Variants in SCAPER observed in about 807,000 individuals in gnomAD.
SCAPER encodes S-phase cyclin A associated protein in the ER.
Under a neutral mutation model 182.2 loss-of-function variants are expected in SCAPER, and 98 were observed. The observed-to-expected ratio is 0.54, with a 90% confidence interval of 0.46 to 0.64. The LOEUF is 0.64. SCAPER is among the 30% of genes least tolerant of loss of function. SCAPER has a pLI of 0.00. For synonymous variants in SCAPER, 605 were observed against 564.6 expected, an observed-to-expected ratio of 1.07 and a Z score of -1.01; for missense variants, 1,432 against 1,690.0, an observed-to-expected ratio of 0.85 and a Z score of 2.68.
intron 20 of SCAPER, among the ~76,000 whole-genome samples, chr15:76,673,622 C>T (rs143957651): frequency 9.1e-4 from 139 of 152,202 alleles, no homozygotes; most frequent in Admixed American, 2.7e-3. Context: ...CACATATACA[C>T]GTATTTCATT....
chr15:76,902,549 T>G (rs1370414744), intron 1 of SCAPER, among the ~76,000 whole-genome samples: 1 of 152,246 alleles, frequency 6.6e-6, no homozygotes, highest in African/African-American at 2.4e-5. Flanking sequence ...ATTAATGATT[T>G]AATTTTTGCT....
intron 26 of SCAPER, among the ~76,000 whole-genome samples, chr15:76,430,980 G>A (rs570600844): frequency 6.6e-6 from 1 of 152,128 alleles, no homozygotes; most frequent in Non-Finnish European, 1.5e-5. Context: ...TCTCGTGATA[G>A]TGAATAAGTC....
intron 4 of SCAPER, among the ~76,000 whole-genome samples, chr15:76,851,852 A>G (rs2070789427): frequency 6.6e-6 from 1 of 152,210 alleles, no homozygotes; most frequent in South Asian, 2.1e-4. Context: ...CCTTGAATGT[A>G]AATGGGCTAA....
At chr15:76,357,647 C>T (rs1268091841) in intron 29 of SCAPER, among the ~76,000 whole-genome samples, 1 of 152,170 alleles carries the variant, frequency 6.6e-6, no homozygotes, top group Non-Finnish European at 1.5e-5. Flanking sequence ...ATGTTTATGA[C>T]AGCACTATTC....
intron 25 of SCAPER, among the ~76,000 whole-genome samples, chr15:76,457,736 G>T (rs2048847984): frequency 6.6e-6 from 1 of 151,834 alleles, no homozygotes; most frequent in Non-Finnish European, 1.5e-5. Context: ...TAAACTCACA[G>T]AACAAAATGA....
intron 9 of SCAPER, among the ~76,000 whole-genome samples, chr15:76,772,803 CA>C (rs1445681616): frequency 6.6e-6 from 1 of 151,686 alleles, no homozygotes; most frequent in Non-Finnish European, 1.5e-5. Flanking sequence ...CTGTGTTTTC[CA>C]ATGATACTCT....
chr15:76,351,874 A>G (rs1487139427), intron 30 of SCAPER, among the ~76,000 whole-genome samples: 2 of 152,250 alleles, frequency 1.3e-5, no homozygotes, highest in Admixed American at 6.5e-5. Flanking sequence ...ATTTAACTCT[A>G]CAAGTCTAAT....
At chr15:76,560,589 C>T (rs1233956709) in intron 23 of SCAPER, among the ~76,000 whole-genome samples, 1 of 152,186 alleles carries the variant, frequency 6.6e-6, no homozygotes, top group Non-Finnish European at 1.5e-5. Context: ...CTGCTCTTAA[C>T]TGCTTCCCTA....
intron 2 of SCAPER, among the ~76,000 whole-genome samples, chr15:76,866,239 CTGAG>C (rs2072285546): frequency 6.6e-6 from 1 of 151,102 alleles, no homozygotes; most frequent in South Asian, 2.1e-4. Context: ...GAGAGAGACA[CTGAG>C]TGTGTGTGTG....
chr15:76,476,570 A>C (rs2050646989), intron 24 of SCAPER, among the ~76,000 whole-genome samples: 1 of 147,820 alleles, frequency 6.8e-6, no homozygotes, highest in South Asian at 2.2e-4. Flanking sequence ...CTGGATCTAC[A>C]GGTACACACC....
intron 23 of SCAPER, among the ~76,000 whole-genome samples, chr15:76,536,089 C>G (rs907309676): frequency 2.0e-5 from 3 of 152,188 alleles, no homozygotes; most frequent in Non-Finnish European, 4.4e-5. Flanking sequence ...TCATATCTTA[C>G]AGAGACTACT....
chr15:76,427,425 C>A (rs778002304), intron 26 of SCAPER, among the ~76,000 whole-genome samples: 1 of 152,138 alleles, frequency 6.6e-6, no homozygotes, highest in Non-Finnish European at 1.5e-5. Context: ...AGACTTTTCT[C>A]AGAAGACATA....
intron 25 of SCAPER, among the ~76,000 whole-genome samples, chr15:76,457,314 C>T (rs2048814447): frequency 6.6e-6 from 1 of 152,300 alleles, no homozygotes; most frequent in Admixed American, 6.5e-5. Flanking sequence ...CCGTCGGCCT[C>T]GGCCTCCCAC....
intron 20 of SCAPER, among the ~76,000 whole-genome samples, chr15:76,677,947 T>A (rs1479469986): frequency 6.6e-6 from 1 of 151,976 alleles, no homozygotes; most frequent in Non-Finnish European, 1.5e-5. Flanking sequence ...GAAATATAAA[T>A]GACACAACAC....
At chr15:76,454,771 G>C (rs2048605390) in intron 25 of SCAPER, among the ~76,000 whole-genome samples, 1 of 151,566 alleles carries the variant, frequency 6.6e-6, no homozygotes. Context: ...TTATCTTCCT[G>C]GCATAATTTA....
At chr15:76,619,808 T>C (rs1477465676) in intron 22 of SCAPER, among the ~76,000 whole-genome samples, 1 of 152,220 alleles carries the variant, frequency 6.6e-6, no homozygotes, top group African/African-American at 2.4e-5. Context: ...TCGGGCACGA[T>C]GGCTCATGCC....
chr15:76,670,565 A>G (rs1333257251), intron 20 of SCAPER, among the ~76,000 whole-genome samples: 2 of 152,232 alleles, frequency 1.3e-5, no homozygotes, highest in African/African-American at 4.8e-5. Context: ...TGGGCCACAG[A>G]TTATACATAT....
chr15:76,585,214 A>G (rs1170984228), intron 22 of SCAPER, among the ~76,000 whole-genome samples: 3 of 152,188 alleles, frequency 2.0e-5, no homozygotes, highest in African/African-American at 7.2e-5. Flanking sequence ...AGAAATGATT[A>G]CTATAATAAT....
chr15:76,887,817 G>A (rs564927409), intron 1 of SCAPER, among the ~76,000 whole-genome samples: 29 of 152,172 alleles, frequency 1.9e-4, no homozygotes, highest in Non-Finnish European at 3.5e-4. Flanking sequence ...TCCCAGCATG[G>A]CGTTTGACCT....
Sources: gnomAD v4.1 joint callset for allele counts (sites outside exome capture counted in the v4.1 genomes callset) on GRCh38, gnomAD v4.1.1 for gene constraint, MANE v1.5 for transcripts, NCBI Gene and HGNC (gene_info 2026-07-23, HGNC 2026-07-21) for gene names.